Variants in EMC8 observed in about 807,000 individuals in gnomAD.
The protein encoded by EMC8 is ER membrane protein complex subunit 8.
EMC8 carries 11 observed loss-of-function variants against 24.3 expected under a neutral mutation model. That is an observed-to-expected ratio of 0.45 (90% CI 0.28 to 0.75). The LOEUF (loss-of-function observed/expected upper bound fraction) is 0.75, where lower values mean the gene tolerates loss of function less well. Ranked by LOEUF, EMC8 falls within the 30% of genes least tolerant of loss-of-function variation. The pLI is 0.12. For synonymous variants in EMC8, 145 were observed against 117.7 expected (o/e 1.23, Z -1.50); for missense variants, 277 against 282.7 (o/e 0.98, Z 0.14).
chr16:85,790,397 T>G (rs1904948912), intron 1 of EMC8, among the ~76,000 whole-genome samples: 1 of 152,210 alleles, frequency 6.6e-6, no homozygotes, highest in African/African-American at 2.4e-5. Flanking sequence ...CAACTAGACA[T>G]TCTGGTCATC....
intron 1 of EMC8, among the ~76,000 whole-genome samples, chr16:85,798,471 T>C (rs759824406): frequency 2.0e-5 from 3 of 152,096 alleles, no homozygotes; most frequent in Non-Finnish European, 4.4e-5. Flanking sequence ...TCTAGATAAG[T>C]TGTTAACCAT....
At chr16:85,793,372 T>C (rs1266459428) in intron 1 of EMC8, among the ~76,000 whole-genome samples, 1 of 152,190 alleles carries the variant, frequency 6.6e-6, no homozygotes, top group Non-Finnish European at 1.5e-5. Flanking sequence ...TTATTTTCAC[T>C]GAGAAGGAAA....
chr16:85,795,469 G>C (rs1905209845), intron 1 of EMC8, among the ~76,000 whole-genome samples: 1 of 152,158 alleles, frequency 6.6e-6, no homozygotes, highest in African/African-American at 2.4e-5. Context: ...GTGAGCCTCA[G>C]GGGCGCTAGG....
intron 4 of EMC8, 200 bp downstream of exon 4, chr16:85,780,179 G>A (rs963308438): frequency 3.3e-6 from 2 of 607,232 alleles, no homozygotes; most frequent in African/African-American, 3.7e-5. Flanking sequence ...CCTGGGGTGG[G>A]AAGACCTGTG....
At chr16:85,783,926 T>G (rs1168801127) in intron 2 of EMC8, among the ~76,000 whole-genome samples, 1 of 152,236 alleles carries the variant, frequency 6.6e-6, no homozygotes, top group Non-Finnish European at 1.5e-5. Flanking sequence ...CTGCTTTCCT[T>G]CTGTGCATCC....
chr16:85,796,072 A>T (rs1256690593), intron 1 of EMC8, among the ~76,000 whole-genome samples: 2 of 152,054 alleles, frequency 1.3e-5, no homozygotes, highest in African/African-American at 4.8e-5. Context: ...ATGGCTTCAG[A>T]AGTCACCGGC....
chr16:85,787,579 T>C (rs1247295081), intron 2 of EMC8: 1 of 152,262 alleles, frequency 6.6e-6, no homozygotes, highest in Admixed American at 6.5e-5. Flanking sequence ...CACTGATTCA[T>C]CAACAAAGGG....
At chr16:85,780,765 G>T (rs1419009011) in intron 3 of EMC8, 4 of 500,230 alleles carry the variant, frequency 8.0e-6, no homozygotes, top group Non-Finnish European at 1.4e-5. Flanking sequence ...CAAGGCCCTT[G>T]ATGTCATCTG....
At chr16:85,786,762 G>C (rs1341514515) in intron 2 of EMC8, among the ~76,000 whole-genome samples, 1 of 152,194 alleles carries the variant, frequency 6.6e-6, no homozygotes, top group African/African-American at 2.4e-5. Context: ...GGTATGGAGA[G>C]CAGGAAAACT....
intron 4 of EMC8, 53 bp downstream of exon 4, chr16:85,780,326 G>C: frequency 7.4e-7 from 1 of 1,353,468 alleles, no homozygotes; most frequent in Non-Finnish European, 1.1e-6. Context: ...TGGCTCTCAC[G>C]TGGCCGGGCG....
intron 1 of EMC8, among the ~76,000 whole-genome samples, chr16:85,793,905 T>C (rs1905129437): frequency 6.6e-6 from 1 of 152,228 alleles, no homozygotes; most frequent in African/African-American, 2.4e-5. Context: ...TAGGCGTAAG[T>C]ACTTAAAAAA....
intron 1 of EMC8, chr16:85,793,002 C>G: frequency 6.6e-6 from 1 of 152,252 alleles, no homozygotes; most frequent in East Asian, 1.9e-4. Flanking sequence ...TGCACTTACT[C>G]ATGCAATTTC....
chr16:85,793,335 C>T (rs1346709678), intron 1 of EMC8, among the ~76,000 whole-genome samples: 2 of 152,160 alleles, frequency 1.3e-5, no homozygotes, highest in Non-Finnish European at 2.9e-5. Context: ...AAAAAGTAGG[C>T]CTTGGAGTTC....
At chr16:85,789,722 G>C (rs952326427) in intron 1 of EMC8, among the ~76,000 whole-genome samples, 8 of 152,014 alleles carry the variant, frequency 5.3e-5, no homozygotes, top group African/African-American at 1.5e-4. Flanking sequence ...AACCCCAGAG[G>C]GGGAGGTTGC....
intron 1 of EMC8, among the ~76,000 whole-genome samples, chr16:85,797,318 G>A (rs1187927039): frequency 1.3e-5 from 2 of 152,200 alleles, no homozygotes; most frequent in African/African-American, 4.8e-5. Context: ...TGAAGCAGAA[G>A]AATCACCTGA....
chr16:85,781,231 T>C lies in EMC8; in HGVS notation c.358A>G (p.Ser120Gly), dbSNP rs765345110. The change falls in exon 3 of 5, where the codon AGC (serine) becomes GGC (glycine). Residue 120 changes from serine (S) to glycine (G), a missense_variant. Coordinates refer to ENST00000253457, the MANE Select transcript of EMC8 (RefSeq NM_006067.5). ...KVASRIAEGF[S>G]DTALIMVDNT... ...CTTACCATGATGAGCGCAGTGTCGC[T>C]GAAGCCCTCGGCGATTCTGGAGGCC... The C allele has an allele frequency of 3.7e-6, 6 of 1,613,922 alleles. No individual in the cohort carries two copies. In the South Asian group the frequency reaches 5.5e-5, roughly 15 times the overall value.
chr16:85,785,346 G>T (rs1904703914), intron 2 of EMC8, among the ~76,000 whole-genome samples: 1 of 152,144 alleles, frequency 6.6e-6, no homozygotes, highest in Admixed American at 6.5e-5. Flanking sequence ...AAGGTGGGTG[G>T]ATCACTTGAG....
In EMC8 at chr16:85,791,751, C is replaced by G. The variant is rs546531572; in HGVS notation, c.232-2701G>C. Among the ~76,000 whole-genome samples the G allele has an allele frequency of 2.6e-5, 4 of 152,324 alleles. No homozygotes were observed. The South Asian group carries it at 6.2e-4, about 24-fold the overall frequency. ...CGCATTCCTTGGCTCATGGCCACAT[C>G]ACTCTGACCTCTGCTTCCATCATCC... On this transcript the variant is annotated intron_variant, in intron 1 of 4. Coordinates refer to ENST00000253457, the MANE Select transcript of EMC8 (RefSeq NM_006067.5).
At chr16:85,781,484 G>A (rs543496911) in intron 2 of EMC8, 7 of 540,068 alleles carry the variant, frequency 1.3e-5, no homozygotes, top group African/African-American at 1.1e-4. Flanking sequence ...TAGCTGGAGT[G>A]TAGTGACGCA....
Sources: gnomAD v4.1 joint callset for allele counts (sites outside exome capture counted in the v4.1 genomes callset) on GRCh38, gnomAD v4.1.1 for gene constraint, MANE v1.5 for transcripts, NCBI Gene and HGNC (gene_info 2026-07-23, HGNC 2026-07-21) for gene names.